NFATC2: variants seen among roughly 807,000 people sequenced by gnomAD.
NFATC2 encodes nuclear factor of activated T cells 2.
NFATC2 carries 22 observed loss-of-function variants against 87.3 expected under a neutral mutation model. That is an observed-to-expected ratio of 0.25 (90% CI 0.18 to 0.36). NFATC2 has a LOEUF of 0.36. Ranked by LOEUF, NFATC2 falls within the 10% of genes least tolerant of loss-of-function variation. The pLI is 1.00. For synonymous variants in NFATC2, 565 were observed against 542.2 expected, an observed-to-expected ratio of 1.04 and a Z score of -0.58; for missense variants, 1,149 against 1,259.1, an observed-to-expected ratio of 0.91 and a Z score of 1.32.
At position 51,524,011 on chromosome 20, in the gene NFATC2, C is replaced by A; in HGVS notation, c.230G>T (p.Ser77Ile). The A allele has an allele frequency of 6.4e-7, 1 of 1,563,824 alleles. No individual in the cohort carries two copies. Among genetic ancestry groups the A allele is most frequent in the Admixed American group, 2.2e-5 (1 of 46,332 alleles). Residue 77 changes from serine to isoleucine, a missense_variant, in exon 2 of 11, where the codon AGT (serine) becomes ATT (isoleucine). Physicochemically the swap from Ser to Ile is moderately radical, Grantham distance 142. This residue lies in a region of NFATC2 where 563 missense variants were observed against 585.2 expected (regional missense o/e 0.96). Coordinates refer to ENST00000371564, the MANE Select transcript of NFATC2 (RefSeq NM_012340.5). The surrounding 1 kb of genome is among the most constrained non-coding windows in gnomAD (Gnocchi z 4.0). ...YGLKPYSPLASLSGEPPGRFG... is the reference protein window; with the variant it reads ...YGLKPYSPLAILSGEPPGRFG... ...TCGGCCGGGGGGCTCGCCAGAGAGA[C>A]TAGCAAGGGGGCTGTATGGCTTGAG... is the stretch of plus-strand genomic sequence containing the variant.
At chr20:51,481,959 C>T (rs1989295887) in intron 3 of NFATC2, among the ~76,000 whole-genome samples, 1 of 152,144 alleles carries the variant, frequency 6.6e-6, no homozygotes, top group East Asian at 1.9e-4. Flanking sequence ...GCAGTGTTAT[C>T]CCATTTTTAG....
intron 1 of NFATC2, among the ~76,000 whole-genome samples, chr20:51,540,667 T>TTTTTTTTTTTTTTTTTTTTTTTTTTTG (rs1555818370): frequency 6.8e-6 from 1 of 147,234 alleles, no homozygotes; most frequent in Non-Finnish European, 1.5e-5. Flanking sequence ...TGTTTTTTTT[T>TTTTTTTTTTTTTTTTTTTTTTTTTTTG]TTTTGAGAAA....
upstream of NFATC2, among the ~76,000 whole-genome samples, chr20:51,543,779 G>GT (rs1355196286): frequency 6.6e-6 from 1 of 152,100 alleles, no homozygotes; most frequent in Non-Finnish European, 1.5e-5. Context: ...TAAGGACCCA[G>GT]TAACTAAAGA....
At chr20:51,446,222 CAAG>C (rs887414569) in intron 6 of NFATC2, among the ~76,000 whole-genome samples, 1 of 152,180 alleles carries the variant, frequency 6.6e-6, no homozygotes, top group African/African-American at 2.4e-5. Context: ...TTCACCTCGC[CAAG>C]AAGGACTCTT....
At chr20:51,530,781 T>C (rs2076620416) in intron 1 of NFATC2, among the ~76,000 whole-genome samples, 1 of 152,106 alleles carries the variant, frequency 6.6e-6, no homozygotes, top group Non-Finnish European at 1.5e-5. Context: ...CATCATGACT[T>C]GACCTGAGCC....
intron 10 of NFATC2, among the ~76,000 whole-genome samples, chr20:51,396,038 GTATATA>G (rs1161908517): frequency 0.013 from 265 of 20,768 alleles, no homozygotes; most frequent in Non-Finnish European, 0.017. Flanking sequence ...CTCCTAGTAT[GTATATA>G]TATATATATA....
rs150362830 is a variant in NFATC2, at chr20:51,390,409, C to A, written c.*1087G>T. 1 of 152,336 alleles carries A rather than the reference C, an allele frequency of 6.6e-6. No individual in the cohort carries two copies. Among genetic ancestry groups the A allele is most frequent in the East Asian group, 1.9e-4 (1 of 5,188 alleles). 9.4% of individuals were successfully genotyped at this position (152,336 alleles called of 1,614,324 possible). ...TAACAAAAATACCCACACTTCTTTT[C>A]TTGGTTGCTTTAGCCCTTCTGCTAT... is the stretch of plus-strand genomic sequence containing the variant. On this transcript the variant is annotated 3_prime_UTR_variant, in exon 11 of 11. Coordinates refer to ENST00000371564, the MANE Select transcript of NFATC2 (RefSeq NM_012340.5).
chr20:51,518,552 C>CT (rs1326813426), intron 2 of NFATC2, among the ~76,000 whole-genome samples: 2 of 151,982 alleles, frequency 1.3e-5, no homozygotes, highest in Non-Finnish European at 2.9e-5. Context: ...CCCTGCAGTC[C>CT]TTTTTTTTGA....
intron 10 of NFATC2, among the ~76,000 whole-genome samples, 166 bp from the exon 11 acceptor site, chr20:51,391,617 C>T (rs1468970866): frequency 6.7e-6 from 1 of 148,470 alleles, no homozygotes; most frequent in Non-Finnish European, 1.5e-5. Flanking sequence ...ATCATGGCTC[C>T]TTGCAGCCTC....
chr20:51,484,221 C>T (rs62229789), intron 3 of NFATC2, among the ~76,000 whole-genome samples: 8,331 of 152,042 alleles, frequency 0.055, 287 homozygotes, highest in African/African-American at 0.096. Flanking sequence ...GCTTGAAATG[C>T]TCTCCCTCCA....
chr20:51,406,457 C>A lies in NFATC2; in HGVS notation c.2723-7727G>T, dbSNP rs550774320. On this transcript the variant is annotated intron_variant, in intron 9 of 10. Coordinates refer to ENST00000371564, the MANE Select transcript of NFATC2 (RefSeq NM_012340.5). ...ATACTGAGATTTAAGAAGCAAAGAG[C>A]GGCTTGGCCCCCTCGGGACCACTAT... 2.9e-4 allele frequency among the ~76,000 whole-genome samples: 44 copies of A among 152,302 alleles called. 1 individual carries two copies. The South Asian group carries it at 9.1e-3, about 32-fold the overall frequency.
chr20:51,448,211 G>A (rs908013504), intron 6 of NFATC2, among the ~76,000 whole-genome samples: 3 of 152,188 alleles, frequency 2.0e-5, no homozygotes, highest in Non-Finnish European at 2.9e-5. Context: ...AGAAAACAGA[G>A]CCGGGCAGTG....
At chr20:51,561,339 G>A (rs1365121335) in intron 1 of NFATC2, among the ~76,000 whole-genome samples, 4 of 107,426 alleles carry the variant, frequency 3.7e-5, no homozygotes, top group Admixed American at 9.1e-5. Context: ...AAAAAAAAAA[G>A]AAAGAAAGAG....
chr20:51,475,499 G>A lies in NFATC2; in HGVS notation c.1494C>T (p.Val498=). 6.2e-7 allele frequency: 1 copy of A among 1,614,050 alleles called. No individual in the cohort carries two copies. The highest frequency in any genetic ancestry group is 8.5e-7 in the Non-Finnish European group (1 of 1,180,034). ...TTTTGGGCTCCAAGGGTATCTCCAG[G>A]ACTTTGGTGTTGCCCACTATCTTCT... ...SYEKIVGNTK[V]LEIPLEPKNN... Residue 498 remains valine (V), a synonymous_variant, in exon 4 of 11, where the codon GTC becomes GTT. Transcript: ENST00000371564.
At chr20:51,403,505 A>G (rs913241117) in intron 9 of NFATC2, among the ~76,000 whole-genome samples, 4 of 152,178 alleles carry the variant, frequency 2.6e-5, no homozygotes, top group Non-Finnish European at 5.9e-5. Flanking sequence ...AGTCCCTGCT[A>G]CACACTAAGT....
intron 10 of NFATC2, among the ~76,000 whole-genome samples, chr20:51,396,752 AC>A (rs1448846191): frequency 6.6e-6 from 1 of 151,862 alleles, no homozygotes; most frequent in Non-Finnish European, 1.5e-5. Flanking sequence ...TGCTGAATTC[AC>A]TCCCACGACC....
At position 51,454,615 on chromosome 20, in the gene NFATC2, C is replaced by G. The variant is rs1986197224; in HGVS notation, c.1782G>C (p.Gln594His). 6.2e-7 allele frequency: 1 copy of G among 1,614,126 alleles called. No individual in the cohort carries two copies. Among genetic ancestry groups the G allele is most frequent in the Non-Finnish European group, 8.5e-7 (1 of 1,180,028 alleles). ...DTDSCLVYGG[Q>H]QMILTGQNFT... Reference sequence around the variant, plus strand: ...AGTTCTGCCCCGTGAGGATCATTTGCTGGCCGCCATAGACCAGGCAGCTGT... The same window carrying G: ...AGTTCTGCCCCGTGAGGATCATTTGGTGGCCGCCATAGACCAGGCAGCTGT... Residue 594 changes from glutamine (Q) to histidine (H), a missense_variant, in exon 6 of 11, where the codon CAG (glutamine) becomes CAC (histidine). Gln to His is a conservative substitution (Grantham distance 24, BLOSUM62 0). This residue lies in a region of NFATC2 where 581 missense variants were observed against 649.7 expected (regional missense o/e 0.89). Coordinates refer to ENST00000371564, the MANE Select transcript of NFATC2 (RefSeq NM_012340.5).
intron 5 of NFATC2, among the ~76,000 whole-genome samples, chr20:51,466,627 C>T (rs1378627318): frequency 1.3e-5 from 2 of 152,112 alleles, no homozygotes; most frequent in East Asian, 1.9e-4. Context: ...AAACCAGAAC[C>T]GAAAAGCTTC....
chr20:51,558,751 T>C (rs1468190504), intron 1 of NFATC2, among the ~76,000 whole-genome samples: 1 of 152,192 alleles, frequency 6.6e-6, no homozygotes, highest in Non-Finnish European at 1.5e-5. Context: ...GATTGGTTTG[T>C]ATCTGGTTGT....
Sources: gnomAD v4.1 joint callset for allele counts (sites outside exome capture counted in the v4.1 genomes callset) on GRCh38, gnomAD v4.1.1 for gene constraint, gnomAD v4.1.1 regional missense constraint, Gnocchi (gnomAD v3.1) non-coding constraint, MANE v1.5 for transcripts, NCBI Gene and HGNC (gene_info 2026-07-23, HGNC 2026-07-21) for gene names.